SHTN1: variants seen among roughly 807,000 people sequenced by gnomAD.
SHTN1 encodes shootin 1, also known as shootin-1.
Under a neutral mutation model 83.1 loss-of-function variants are expected in SHTN1, and 42 were observed. The observed-to-expected ratio is 0.51, with a 90% confidence interval of 0.39 to 0.65. SHTN1 has a LOEUF of 0.65. Ranked by LOEUF, SHTN1 falls within the 30% of genes least tolerant of loss-of-function variation. SHTN1 has a pLI of 0.00. For missense variants in SHTN1, 622 were observed against 737.8 expected (o/e 0.84, Z 1.82); for synonymous variants, 224 against 247.7 (o/e 0.90, Z 0.90).
chr10:116,986,053 A>G (rs1796494741), intron 1 of SHTN1, among the ~76,000 whole-genome samples: 1 of 152,236 alleles, frequency 6.6e-6, no homozygotes. Context: ...CAGTTCAGTT[A>G]ATAAATTAAT....
intron 2 of SHTN1, among the ~76,000 whole-genome samples, chr10:117,029,894 C>CTTTTTTT (rs34426369): frequency 3.5e-5 from 4 of 113,402 alleles, no homozygotes; most frequent in African/African-American, 6.6e-5. Flanking sequence ...CTCTCTCTTT[C>CTTTTTTT]TTTTTTTTTT....
intron 1 of SHTN1, among the ~76,000 whole-genome samples, chr10:117,004,453 G>A (rs934452190): frequency 1.3e-5 from 2 of 152,062 alleles, no homozygotes; most frequent in African/African-American, 4.8e-5. Context: ...AACACTGGCA[G>A]GATGTTGACC....
intron 9 of SHTN1, among the ~76,000 whole-genome samples, chr10:116,939,447 G>A (rs529313705): frequency 1.3e-5 from 2 of 152,256 alleles, no homozygotes; most frequent in East Asian, 3.9e-4. Context: ...GCACTTCCCG[G>A]GTGAGGCAAC....
At chr10:117,075,014 T>C (rs1853132360) in intron 1 of SHTN1, among the ~76,000 whole-genome samples, 1 of 152,134 alleles carries the variant, frequency 6.6e-6, no homozygotes, top group South Asian at 2.1e-4. Context: ...AAAAGACTCT[T>C]TTGCATTTCC....
rs964751277 is a variant in SHTN1 at position 116,957,544 on chromosome 10, G to A, written c.267+2592C>T. On this transcript the variant is annotated intron_variant, in intron 4 of 16. Transcript: ENST00000355371. ...GCTGGGATTACAGGCGTGAGCCACC[G>A]TGCCCAGCCAAAAATATATCTTTTA... Among the ~76,000 whole-genome samples, 10 of 151,734 alleles carry A rather than the reference G, an allele frequency of 6.6e-5. No homozygotes were observed. In the East Asian group the frequency reaches 7.9e-4, roughly 12 times the overall value.
chr10:116,996,325 C>T (rs1457665941), intron 1 of SHTN1, among the ~76,000 whole-genome samples: 1 of 152,158 alleles, frequency 6.6e-6, no homozygotes, highest in African/African-American at 2.4e-5. Context: ...AGTCTCCAAA[C>T]TAACATTTCC....
chr10:117,040,633 T>C (rs1852570218), intron 2 of SHTN1, among the ~76,000 whole-genome samples: 1 of 152,178 alleles, frequency 6.6e-6, no homozygotes, highest in Admixed American at 6.5e-5. Flanking sequence ...AAACGGTTTT[T>C]TAAAACAGAC....
chr10:116,900,589 T>C, intron 16 of SHTN1: 2 of 1,531,960 alleles, frequency 1.3e-6, no homozygotes, highest in South Asian at 2.4e-5. Context: ...CACTGAAGCA[T>C]TTATCAGAAA....
chr10:117,060,594 C>T (rs903990867), intron 1 of SHTN1, among the ~76,000 whole-genome samples: 5 of 152,180 alleles, frequency 3.3e-5, no homozygotes, highest in African/African-American at 9.7e-5. Context: ...TCTTTCCACC[C>T]TTGTTTACCT....
chr10:116,945,019 C>G lies in SHTN1; in HGVS notation c.617-1G>C, dbSNP rs1340586658. 2 of 1,552,904 alleles carry G rather than the reference C, an allele frequency of 1.3e-6. No individual in the cohort carries two copies. Among genetic ancestry groups the G allele is most frequent in the Non-Finnish European group, 1.8e-6 (2 of 1,134,678 alleles). On this transcript the variant is annotated splice_acceptor_variant, in intron 7 of 16. Coordinates refer to ENST00000355371, the MANE Select transcript of SHTN1 (RefSeq NM_001127211.3). LOFTEE classifies it high-confidence loss of function. ...TACTCTTCTACAGCTAACATGGACA[C>G]TTAAGAAGATAAAGGAAAAAAAAAA...
intron 1 of SHTN1, among the ~76,000 whole-genome samples, chr10:117,087,597 G>A (rs1853368895): frequency 6.6e-6 from 1 of 152,134 alleles, no homozygotes; most frequent in Non-Finnish European, 1.5e-5. Context: ...AGTAGATTAA[G>A]ATTTTAATGG....
chr10:117,077,617 A>C (rs1853180171), intron 1 of SHTN1, among the ~76,000 whole-genome samples: 2 of 151,924 alleles, frequency 1.3e-5, no homozygotes, highest in South Asian at 2.1e-4. Context: ...TCCTAATGCT[A>C]TCTCTCCCCG....
chr10:116,999,584 T>G (rs1381129677), intron 1 of SHTN1, among the ~76,000 whole-genome samples: 2 of 152,234 alleles, frequency 1.3e-5, no homozygotes, highest in Non-Finnish European at 2.9e-5. Flanking sequence ...ACACACTTGT[T>G]TTCTATGAGC....
intron 1 of SHTN1, among the ~76,000 whole-genome samples, chr10:117,124,528 T>G (rs2133650575): frequency 6.6e-6 from 1 of 152,262 alleles, no homozygotes; most frequent in South Asian, 2.1e-4. Context: ...ATCCCACCAC[T>G]TTGGGAGGCC....
chr10:116,950,730 G>A (rs1489047010), intron 6 of SHTN1, among the ~76,000 whole-genome samples: 1 of 152,182 alleles, frequency 6.6e-6, no homozygotes, highest in Admixed American at 6.5e-5. Flanking sequence ...TTAGTAACTG[G>A]TACACATTGT....
At chr10:116,989,967 G>A (rs975220270) in intron 1 of SHTN1, among the ~76,000 whole-genome samples, 1 of 151,990 alleles carries the variant, frequency 6.6e-6, no homozygotes, top group Non-Finnish European at 1.5e-5. Flanking sequence ...CACTTTACTC[G>A]TTCTGGGACT....
chr10:116,974,820 C>T (rs1335046922), intron 2 of SHTN1, among the ~76,000 whole-genome samples: 1 of 147,890 alleles, frequency 6.8e-6, no homozygotes, highest in Non-Finnish European at 1.5e-5. Context: ...AGCTCAATGA[C>T]GCTTTCCCCC....
chr10:117,124,951 G>A (rs902736884), intron 1 of SHTN1, among the ~76,000 whole-genome samples: 4 of 152,128 alleles, frequency 2.6e-5, no homozygotes, highest in African/African-American at 4.8e-5. Context: ...ACCTGCTGCG[G>A]GAACCTTGCC....
chr10:116,910,551 T>C (rs942827073), intron 14 of SHTN1, among the ~76,000 whole-genome samples: 7 of 152,212 alleles, frequency 4.6e-5, no homozygotes, highest in African/African-American at 9.6e-5. Flanking sequence ...AATATTATCA[T>C]ATGTACCTCA....
Sources: gnomAD v4.1 joint callset for allele counts (sites outside exome capture counted in the v4.1 genomes callset) on GRCh38, gnomAD v4.1.1 for gene constraint, MANE v1.5 for transcripts, NCBI Gene and HGNC (gene_info 2026-07-23, HGNC 2026-07-21) for gene names.